METTL25: variants seen among roughly 807,000 people sequenced by gnomAD.
METTL25 encodes the protein probable methyltransferase-like protein 25.
Under a neutral mutation model 71.6 loss-of-function variants are expected in METTL25, and 64 were observed. That is an observed-to-expected ratio of 0.89 (90% CI 0.73 to 1.10). The LOEUF (loss-of-function observed/expected upper bound fraction) is 1.10, where lower values mean the gene tolerates loss of function less well. Among genes scored for constraint, METTL25 ranks in the 50% least tolerant of loss-of-function variants. METTL25 has a pLI of 0.00. For synonymous variants in METTL25, 287 were observed against 250.3 expected (o/e 1.15, Z -1.38); for missense variants, 807 against 707.0 (o/e 1.14, Z -1.60).
intron 9 of METTL25, among the ~76,000 whole-genome samples, chr12:82,457,376 T>C (rs1891566733): frequency 6.6e-6 from 1 of 151,544 alleles, no homozygotes; most frequent in African/African-American, 2.4e-5. Flanking sequence ...TTAACTAAAA[T>C]ATTAAATGAA....
chr12:82,408,420 AAC>A (rs1887274337), intron 5 of METTL25, among the ~76,000 whole-genome samples: 1 of 152,036 alleles, frequency 6.6e-6, no homozygotes, highest in Admixed American at 6.6e-5. Flanking sequence ...TGGGGAAAAA[AAC>A]ACAGATGCAA....
chr12:82,443,231 CGTAAGA>C (rs1234768030), intron 8 of METTL25, among the ~76,000 whole-genome samples: 2 of 151,548 alleles, frequency 1.3e-5, no homozygotes, highest in Non-Finnish European at 1.5e-5. Flanking sequence ...GTTCTAGACA[CGTAAGA>C]GTAAAATTGC....
intron 8 of METTL25, among the ~76,000 whole-genome samples, chr12:82,446,538 A>G (rs761321216): frequency 8.5e-5 from 13 of 152,070 alleles, no homozygotes; most frequent in East Asian, 1.9e-4. Flanking sequence ...GTACAAATAC[A>G]TGGAAATTAA....
At chr12:82,370,205 C>T (rs750021675) in intron 1 of METTL25, among the ~76,000 whole-genome samples, 7 of 152,158 alleles carry the variant, frequency 4.6e-5, no homozygotes, top group Non-Finnish European at 1.0e-4. Context: ...CGGGTCAGTC[C>T]AGGGATCCTT....
At chr12:82,373,425 G>A (rs188956455) in intron 1 of METTL25, among the ~76,000 whole-genome samples, 251 of 152,200 alleles carry the variant, frequency 1.6e-3, no homozygotes, top group South Asian at 8.9e-3. Context: ...TGGTGAGCCC[G>A]GGTGCCTAAA....
chr12:82,458,845 A>G lies in METTL25; in HGVS notation c.1572+2025A>G, dbSNP rs572262822. Among the ~76,000 whole-genome samples the G allele has an allele frequency of 7.6e-4, 116 of 152,176 alleles. 3 individuals are homozygous for G. Among genetic ancestry groups the G allele is most frequent in the Admixed American group, 1.1e-3 (17 of 15,270 alleles). On this transcript the variant is annotated intron_variant, in intron 9 of 11. Coordinates refer to ENST00000248306, the MANE Select transcript of METTL25 (RefSeq NM_032230.3). Reference sequence around the variant, plus strand: ...CCAAATCTAACTTTCCATGGGGGAGAAAGAAAATATCCAACTCCAGCCTAC... The same window carrying G: ...CCAAATCTAACTTTCCATGGGGGAGGAAGAAAATATCCAACTCCAGCCTAC...
intron 8 of METTL25, among the ~76,000 whole-genome samples, chr12:82,454,133 C>T (rs1311974594): frequency 6.6e-6 from 1 of 151,978 alleles, no homozygotes; most frequent in Admixed American, 6.6e-5. Flanking sequence ...GATGTGTTCA[C>T]CCACTTTGGA....
chr12:82,411,899 A>G (rs1325528608), intron 5 of METTL25, among the ~76,000 whole-genome samples: 2 of 152,108 alleles, frequency 1.3e-5, no homozygotes, highest in African/African-American at 4.8e-5. Flanking sequence ...CAAATTAACT[A>G]ATTTTTAATA....
chr12:82,452,717 C>A (rs774436333), intron 8 of METTL25, among the ~76,000 whole-genome samples: 14 of 152,060 alleles, frequency 9.2e-5, no homozygotes, highest in Non-Finnish European at 2.1e-4. Context: ...GCAAAAGTAA[C>A]CTTTAACTTT....
chr12:82,383,565 G>A (rs753903810), intron 1 of METTL25, among the ~76,000 whole-genome samples: 14 of 152,086 alleles, frequency 9.2e-5, no homozygotes, highest in Non-Finnish European at 1.8e-4. Flanking sequence ...AAAGTGCTTA[G>A]CACAGTGCCT....
At chr12:82,459,316 A>G (rs570331214) in intron 9 of METTL25, among the ~76,000 whole-genome samples, 3 of 152,200 alleles carry the variant, frequency 2.0e-5, no homozygotes, top group Non-Finnish European at 4.4e-5. Flanking sequence ...CTAAAAGGAA[A>G]TGCTAAAGAT....
chr12:82,462,618 T>G (rs1891959589), intron 9 of METTL25, among the ~76,000 whole-genome samples: 1 of 152,144 alleles, frequency 6.6e-6, no homozygotes, highest in African/African-American at 2.4e-5. Context: ...TAAAATTTTC[T>G]TAAAATCTCT....
chr12:82,448,491 A>G (rs1027460555), intron 8 of METTL25, among the ~76,000 whole-genome samples: 5 of 152,074 alleles, frequency 3.3e-5, no homozygotes, highest in African/African-American at 1.2e-4. Flanking sequence ...TCTCTTTTAA[A>G]ACACTTGGAA....
At chr12:82,381,311 C>A (rs999145557) in intron 1 of METTL25, among the ~76,000 whole-genome samples, 1 of 151,998 alleles carries the variant, frequency 6.6e-6, no homozygotes, top group African/African-American at 2.4e-5. Context: ...CATTTAATTT[C>A]ATTTTTATAA....
chr12:82,473,946 G>T (rs1469125863), intron 9 of METTL25, among the ~76,000 whole-genome samples: 3 of 152,160 alleles, frequency 2.0e-5, no homozygotes, highest in Non-Finnish European at 4.4e-5. Flanking sequence ...TGTAGAGGTA[G>T]TGTTACTGAC....
intron 9 of METTL25, among the ~76,000 whole-genome samples, chr12:82,467,216 ATACT>A (rs1892290963): frequency 6.6e-6 from 1 of 151,848 alleles, no homozygotes. Flanking sequence ...TGACAGGTGA[ATACT>A]TACTTCTGGC....
intron 8 of METTL25, among the ~76,000 whole-genome samples, chr12:82,446,284 A>G (rs964315169): frequency 2.6e-5 from 4 of 152,166 alleles, no homozygotes; most frequent in Non-Finnish European, 5.9e-5. Flanking sequence ...GAAATATAAC[A>G]AAGAAACTTT....
At chr12:82,452,989 T>G (rs1309386779) in intron 8 of METTL25, among the ~76,000 whole-genome samples, 1 of 152,128 alleles carries the variant, frequency 6.6e-6, no homozygotes, top group African/African-American at 2.4e-5. Flanking sequence ...ACCACTACAC[T>G]ATCGTGCATA....
At chr12:82,456,957 C>T in intron 9 of METTL25, 137 bp downstream of exon 9, 1 of 403,090 alleles carries the variant, frequency 2.5e-6, no homozygotes, top group Non-Finnish European at 4.4e-6. Flanking sequence ...TGAAACAAGA[C>T]CTCCATCATC....
Sources: allele counts gnomAD v4.1 joint callset (sites outside exome capture counted in the v4.1 genomes callset), GRCh38; gene constraint gnomAD v4.1.1; transcripts MANE v1.5; gene names NCBI Gene and HGNC (gene_info 2026-07-23, HGNC 2026-07-21).